NEGR1: variants seen among roughly 807,000 people sequenced by gnomAD.
NEGR1 encodes neuronal growth regulator 1, also known as IgLON family member 4.
NEGR1 carries 10 observed loss-of-function variants against 40.9 expected under a neutral mutation model. That is an observed-to-expected ratio of 0.24 (90% CI 0.15 to 0.42). The LOEUF (loss-of-function observed/expected upper bound fraction) is 0.42. Among genes scored for constraint, NEGR1 ranks in the 10% least tolerant of loss-of-function variants. The probability of loss-of-function intolerance (pLI) is 1.00; values close to 1 mark genes in which losing one functional copy is unlikely to be tolerated. For synonymous variants in NEGR1, 185 were observed against 166.8 expected, an observed-to-expected ratio of 1.11 and a Z score of -0.84; for missense variants, 352 against 438.9, an observed-to-expected ratio of 0.80 and a Z score of 1.77.
chr1:72,024,667 T>C (rs894911923), intron 1 of NEGR1, among the ~76,000 whole-genome samples: 2 of 152,184 alleles, frequency 1.3e-5, no homozygotes, highest in Non-Finnish European at 2.9e-5. Flanking sequence ...CACATAAAGA[T>C]ACAAAAAGCC....
intron 3 of NEGR1, among the ~76,000 whole-genome samples, chr1:71,773,469 C>A (rs928287886): frequency 6.6e-6 from 1 of 151,964 alleles, no homozygotes; most frequent in Non-Finnish European, 1.5e-5. Context: ...ATTGATATTT[C>A]TTAGGCAAAA....
intron 1 of NEGR1, among the ~76,000 whole-genome samples, chr1:71,993,933 A>C (rs1646478179): frequency 6.6e-6 from 1 of 151,932 alleles, no homozygotes; most frequent in South Asian, 2.1e-4. Flanking sequence ...ATGTCCAACC[A>C]GGGCCCCAGG....
At chr1:71,522,375 C>T (rs1647164811) in intron 6 of NEGR1, among the ~76,000 whole-genome samples, 2 of 151,790 alleles carry the variant, frequency 1.3e-5, no homozygotes, top group Admixed American at 1.3e-4. Flanking sequence ...TCCAATTTGT[C>T]CTCACTGTCT....
At chr1:71,685,323 C>A (rs1570203114) in intron 4 of NEGR1, among the ~76,000 whole-genome samples, 1 of 136,644 alleles carries the variant, frequency 7.3e-6, no homozygotes, top group South Asian at 2.3e-4. Context: ...ATTGACATTA[C>A]TTTTTTTTTT....
At chr1:71,832,110 A>G (rs559710081) in intron 2 of NEGR1, among the ~76,000 whole-genome samples, 1 of 152,026 alleles carries the variant, frequency 6.6e-6, no homozygotes, top group Admixed American at 6.6e-5. Context: ...GATTAGTGAG[A>G]GAGTAATGGG....
chr1:71,495,205 G>T (rs1646953559), intron 6 of NEGR1, among the ~76,000 whole-genome samples: 1 of 152,170 alleles, frequency 6.6e-6, no homozygotes, highest in Non-Finnish European at 1.5e-5. Flanking sequence ...CAGGCCAGAA[G>T]TGGTGGCTCA....
intron 2 of NEGR1, among the ~76,000 whole-genome samples, chr1:71,860,189 C>A (rs1659902851): frequency 7.6e-6 from 1 of 130,890 alleles, no homozygotes; most frequent in Non-Finnish European, 1.6e-5. Flanking sequence ...AGTCAAAATT[C>A]TCATCATTTA....
At chr1:71,629,631 G>T (rs542474465) in intron 4 of NEGR1, among the ~76,000 whole-genome samples, 2 of 151,876 alleles carry the variant, frequency 1.3e-5, no homozygotes, top group Non-Finnish European at 2.9e-5. Flanking sequence ...GCTAGAGAAA[G>T]AAATAAAGGT....
intron 3 of NEGR1, among the ~76,000 whole-genome samples, chr1:71,754,440 A>C (rs1298598732): frequency 6.6e-6 from 1 of 152,178 alleles, no homozygotes; most frequent in African/African-American, 2.4e-5. Flanking sequence ...ATAAGGAAAA[A>C]TCCCCTCTTA....
At chr1:72,059,149 A>G (rs959492055) in intron 1 of NEGR1, among the ~76,000 whole-genome samples, 2 of 151,628 alleles carry the variant, frequency 1.3e-5, no homozygotes, top group African/African-American at 4.8e-5. Flanking sequence ...ATTTAATGTG[A>G]CAAGGTGTCA....
At chr1:72,085,122 G>C (rs1458043780) in intron 1 of NEGR1, among the ~76,000 whole-genome samples, 1 of 152,124 alleles carries the variant, frequency 6.6e-6, no homozygotes, top group Non-Finnish European at 1.5e-5. Flanking sequence ...GATTACACCA[G>C]ATTATTTTGT....
intron 1 of NEGR1, among the ~76,000 whole-genome samples, chr1:72,069,684 AG>A (rs1298466021): frequency 1.3e-5 from 2 of 152,148 alleles, no homozygotes; most frequent in African/African-American, 2.4e-5. Context: ...CTATAGGCCA[AG>A]GAAATTGGTA....
chr1:71,582,381 T>C (rs1454016986), intron 6 of NEGR1, among the ~76,000 whole-genome samples: 1 of 152,192 alleles, frequency 6.6e-6, no homozygotes, highest in African/African-American at 2.4e-5. Context: ...TACAATCCTA[T>C]ACAGACCCAC....
intron 6 of NEGR1, among the ~76,000 whole-genome samples, chr1:71,447,743 C>A (rs777408416): frequency 6.6e-6 from 1 of 152,208 alleles, no homozygotes; most frequent in Non-Finnish European, 1.5e-5. Context: ...ATGAAGCACT[C>A]GCTATGCTTT....
chr1:72,253,408 C>T (rs1212290082), intron 1 of NEGR1, among the ~76,000 whole-genome samples: 1 of 152,082 alleles, frequency 6.6e-6, no homozygotes, highest in Non-Finnish European at 1.5e-5. Flanking sequence ...AATCACAATA[C>T]TTTTATGGAG....
At chr1:71,815,265 G>T (rs887824895) in intron 2 of NEGR1, among the ~76,000 whole-genome samples, 1 of 152,116 alleles carries the variant, frequency 6.6e-6, no homozygotes, top group Non-Finnish European at 1.5e-5. Flanking sequence ...GCTGTGGTCT[G>T]AGAAACTGTT....
At chr1:71,508,515 A>C (rs186134429) in intron 6 of NEGR1, among the ~76,000 whole-genome samples, 11 of 152,344 alleles carry the variant, frequency 7.2e-5, no homozygotes, top group African/African-American at 2.6e-4. Flanking sequence ...CTCCCTACCC[A>C]ATCATGTTGG....
At chr1:71,918,565 T>A (rs1661670439) in intron 2 of NEGR1, among the ~76,000 whole-genome samples, 1 of 152,138 alleles carries the variant, frequency 6.6e-6, no homozygotes, top group Non-Finnish European at 1.5e-5. Flanking sequence ...TTAAAGTAAC[T>A]ATTCCAGGAG....
chr1:71,413,796 A>G lies in NEGR1; in HGVS notation c.941-6226T>C, dbSNP rs535007218. On this transcript the variant is annotated intron_variant, in intron 6 of 6. Coordinates refer to ENST00000357731, the MANE Select transcript of NEGR1 (RefSeq NM_173808.3). Reference sequence around the variant, plus strand: ...AGGAAGATCCACTCTGGGTTTTAACATATATCTTATATCTTTTCTAATTAT... The same window carrying G: ...AGGAAGATCCACTCTGGGTTTTAACGTATATCTTATATCTTTTCTAATTAT... 2.1e-3 allele frequency among the ~76,000 whole-genome samples: 324 copies of G among 152,232 alleles called. 1 individual carries two copies. The highest frequency in any genetic ancestry group is 7.5e-3 in the African/African-American group (311 of 41,532).
Sources: gnomAD v4.1 joint callset for allele counts (sites outside exome capture counted in the v4.1 genomes callset) on GRCh38, gnomAD v4.1.1 for gene constraint, MANE v1.5 for transcripts, NCBI Gene and HGNC (gene_info 2026-07-23, HGNC 2026-07-21) for gene names.